The following LRRC8D variants were observed in gnomAD, a reference collection of about 807,000 sequenced individuals.
The protein encoded by LRRC8D is leucine rich repeat containing 8 VRAC subunit D.
Under a neutral mutation model 55.8 loss-of-function variants are expected in LRRC8D, and 20 were observed. The observed-to-expected ratio is 0.36, with a 90% CI of 0.25 to 0.52. The LOEUF (loss-of-function observed/expected upper bound fraction) is 0.52. LRRC8D is among the 20% of genes least tolerant of loss of function. LRRC8D has a pLI of 0.93. For synonymous variants in LRRC8D, 352 were observed against 377.0 expected (o/e 0.93, Z 0.77); for missense variants, 651 against 1,030.8 (o/e 0.63, Z 5.05).
At chr1:89,914,732 T>C (rs1570885949) in intron 2 of LRRC8D, among the ~76,000 whole-genome samples, 2 of 151,890 alleles carry the variant, frequency 1.3e-5, no homozygotes, top group African/African-American at 2.4e-5. Context: ...TACACTTTAT[T>C]GTCTTTTTAA....
Position 89,843,798 on chromosome 1 carries a change from T to G in LRRC8D, c.-3+16T>G, listed in dbSNP as rs1661201422. 1.5e-6 allele frequency: 1 copy of G among 658,110 alleles called. No homozygotes were observed. Among genetic ancestry groups the G allele is most frequent in the South Asian group, 1.6e-5 (1 of 62,268 alleles). 40.8% of individuals were successfully genotyped at this position (658,110 alleles called of 1,614,324 possible). On this transcript the variant is annotated intron_variant, in intron 2 of 2. Transcript: ENST00000337338. ...CTTGGTCCAGGTGCGCGGGGTCGGG[T>G]CTGGGTCCAGGGAGCGGGTCGGGAA...
At chr1:89,867,728 C>T (rs1661888536) in intron 2 of LRRC8D, among the ~76,000 whole-genome samples, 1 of 152,148 alleles carries the variant, frequency 6.6e-6, no homozygotes, top group Admixed American at 6.5e-5. Flanking sequence ...GCATTCCCAC[C>T]AGCAATGTCG....
chr1:89,916,233 AG>A (rs1367985618), intron 2 of LRRC8D, among the ~76,000 whole-genome samples: 1 of 152,238 alleles, frequency 6.6e-6, no homozygotes, highest in Admixed American at 6.5e-5. Flanking sequence ...TAGTTTGTGA[AG>A]GGCTTCCAGT....
chr1:89,872,031 C>T (rs1487123375), intron 2 of LRRC8D, among the ~76,000 whole-genome samples: 1 of 152,180 alleles, frequency 6.6e-6, no homozygotes, highest in East Asian at 1.9e-4. Flanking sequence ...ATGATCTCAT[C>T]CTCATTACCT....
In LRRC8D at chr1:89,935,372, A is replaced by G; in HGVS notation, c.2304A>G (p.Pro768=). 1.9e-6 allele frequency: 3 copies of G among 1,614,258 alleles called. No homozygotes were observed. Among genetic ancestry groups the G allele is most frequent in the Non-Finnish European group, 2.5e-6 (3 of 1,180,038 alleles). The change falls in exon 3 of 3, where the codon CCA becomes CCG. Residue 768 remains proline (P), a synonymous_variant. Transcript: ENST00000337338. ...HITGNKVDIL[P]KQLFKCIKLR... ...CTGGGAACAAAGTGGACATTCTGCC[A>G]AAACAATTGTTTAAATGCATAAAGT... is the stretch of plus-strand genomic sequence containing the variant.
chr1:89,912,025 A>G (rs1267209873), intron 2 of LRRC8D, among the ~76,000 whole-genome samples: 2 of 151,984 alleles, frequency 1.3e-5, no homozygotes, highest in Non-Finnish European at 2.9e-5. Flanking sequence ...CATCCTGCAT[A>G]TGTGGATTAG....
rs374014307 is a variant in LRRC8D at position 89,841,356 on chromosome 1, G to T, written c.-147-2282G>T. 1.1e-4 allele frequency among the ~76,000 whole-genome samples: 16 copies of T among 151,782 alleles called. No individual in the cohort carries two copies. In the East Asian group the frequency reaches 2.7e-3, roughly 26 times the overall value. ...AGGTGAGGAGAAAAGGGTGGGTGAG[G>T]TGTAGTTCATCGTCTGGAGGCCTCA... On this transcript the variant is annotated intron_variant, in intron 1 of 2. Transcript: ENST00000337338.
intron 2 of LRRC8D, among the ~76,000 whole-genome samples, chr1:89,905,867 TTC>T (rs1333724009): frequency 3.3e-5 from 5 of 152,138 alleles, no homozygotes; most frequent in African/African-American, 1.2e-4. Flanking sequence ...TTGTAAGGAA[TTC>T]TCTCTTGGCG....
intron 1 of LRRC8D, among the ~76,000 whole-genome samples, chr1:89,841,984 G>A (rs553619334): frequency 1.8e-3 from 267 of 152,090 alleles, no homozygotes; most frequent in South Asian, 7.7e-3. Context: ...AGGCTGAGGC[G>A]GGTGGATCAT....
intron 2 of LRRC8D, among the ~76,000 whole-genome samples, chr1:89,886,844 T>C (rs1468327762): frequency 6.6e-6 from 1 of 152,188 alleles, no homozygotes; most frequent in Non-Finnish European, 1.5e-5. Context: ...CTTTTACTTG[T>C]ATGTATTTAT....
At chr1:89,886,166 C>T (rs1292679449) in intron 2 of LRRC8D, among the ~76,000 whole-genome samples, 2 of 152,168 alleles carry the variant, frequency 1.3e-5, no homozygotes, top group Non-Finnish European at 2.9e-5. Flanking sequence ...GAGTGTAGTG[C>T]CTCATCCATG....
At chr1:89,826,814 A>G (rs1368087692) in intron 1 of LRRC8D, among the ~76,000 whole-genome samples, 1 of 152,198 alleles carries the variant, frequency 6.6e-6, no homozygotes, top group Non-Finnish European at 1.5e-5. Flanking sequence ...GGATTATGAA[A>G]TGTCTAACCA....
Position 89,935,691 on chromosome 1 carries a change from AT to A in LRRC8D, c.*48del, listed in dbSNP as rs1663835781. 2 of 1,544,320 alleles carry A rather than the reference AT, an allele frequency of 1.3e-6. No individual in the cohort carries two copies. The highest frequency in any genetic ancestry group is 4.5e-5 in the East Asian group (2 of 44,266). ...GTGATGTGCAGGAACAACTTCCTAG[AT>A]TGCAAGTGCTCACGTACAAGTTATT... On this transcript the variant is annotated 3_prime_UTR_variant, in exon 3 of 3. Coordinates refer to ENST00000337338, the MANE Select transcript of LRRC8D (RefSeq NM_001134479.2).
intron 1 of LRRC8D, among the ~76,000 whole-genome samples, chr1:89,837,925 TATG>T (rs1186689862): frequency 6.6e-6 from 1 of 152,180 alleles, no homozygotes; most frequent in Admixed American, 6.5e-5. Flanking sequence ...GTATTCAAGA[TATG>T]ATGTGTGTGA....
chr1:89,918,594 G>A (rs1170843406), intron 2 of LRRC8D, among the ~76,000 whole-genome samples: 1 of 152,188 alleles, frequency 6.6e-6, no homozygotes, highest in Admixed American at 6.5e-5. Flanking sequence ...CACTGCCCCA[G>A]AGATGATACT....
At chr1:89,830,212 T>C (rs1198820802) in intron 1 of LRRC8D, among the ~76,000 whole-genome samples, 1 of 152,224 alleles carries the variant, frequency 6.6e-6, no homozygotes, top group Non-Finnish European at 1.5e-5. Flanking sequence ...CTGGAGTGAA[T>C]TTATTCTGTT....
At chr1:89,835,842 T>C (rs1938030) in intron 1 of LRRC8D, among the ~76,000 whole-genome samples, 147,804 of 152,340 alleles carry the variant, frequency 0.97, 71,840 homozygotes, top group Middle Eastern at 1. Context: ...TGCAGATACC[T>C]AAAGGTATTC....
chr1:89,892,000 C>T (rs988989494), intron 2 of LRRC8D, among the ~76,000 whole-genome samples: 1 of 152,202 alleles, frequency 6.6e-6, no homozygotes. Context: ...TCCATCACAT[C>T]ATAAGTGCTC....
intron 1 of LRRC8D, among the ~76,000 whole-genome samples, chr1:89,837,059 A>G (rs74101221): frequency 0.043 from 6,476 of 152,248 alleles, 473 homozygotes; most frequent in African/African-American, 0.15. Flanking sequence ...CTGATTTCAC[A>G]GGATACTGTA....
Sources: allele counts gnomAD v4.1 joint callset (sites outside exome capture counted in the v4.1 genomes callset), GRCh38; gene constraint gnomAD v4.1.1; transcripts MANE v1.5; gene names NCBI Gene and HGNC (gene_info 2026-07-23, HGNC 2026-07-21).